The following CSMD1 variants were observed in gnomAD, a reference collection of about 807,000 sequenced individuals.
The protein encoded by CSMD1 is CUB and Sushi multiple domains 1.
A neutral mutation model predicts 417.5 loss-of-function variants in CSMD1; 213 were observed. The ratio of observed to expected loss-of-function variants is 0.51; its 90% confidence interval spans 0.46 to 0.57. The LOEUF (loss-of-function observed/expected upper bound fraction) is 0.57. CSMD1 is among the 20% of genes least tolerant of loss of function. The pLI is 0.00. For synonymous variants in CSMD1, 2,862 were observed against 1,736.8 expected (o/e 1.65, Z -16.11); for missense variants, 6,923 against 4,529.7 (o/e 1.53, Z -15.17).
Position 4,559,750 on chromosome 8 carries a change from G to C in CSMD1, c.302+77592C>G, listed in dbSNP as rs774593621. Among the ~76,000 whole-genome samples, 3 of 152,246 alleles carry C rather than the reference G, an allele frequency of 2.0e-5. No homozygotes were observed. The South Asian group carries it at 6.2e-4, about 31-fold the overall frequency. ...CAGTCTTTCTGTTATTTCACAAATAGTGAGTCAGTTGTTATCAGTGCAGCC... is the reference window on the plus strand; with the variant it reads ...CAGTCTTTCTGTTATTTCACAAATACTGAGTCAGTTGTTATCAGTGCAGCC... On this transcript the variant is annotated intron_variant, in intron 2 of 69. Coordinates refer to ENST00000635120, the MANE Select transcript of CSMD1 (RefSeq NM_033225.6).
chr8:3,297,885 A>G (rs1804090062), intron 25 of CSMD1, among the ~76,000 whole-genome samples: 1 of 152,206 alleles, frequency 6.6e-6, no homozygotes, highest in South Asian at 2.1e-4. Context: ...ATTGGAATTA[A>G]AAACCTGTGT....
At chr8:3,458,742 T>G (rs1011809849) in intron 12 of CSMD1, among the ~76,000 whole-genome samples, 2 of 152,216 alleles carry the variant, frequency 1.3e-5, no homozygotes, top group African/African-American at 4.8e-5. Context: ...TGTAAATGGC[T>G]CTTAATATCT....
Position 4,180,533 on chromosome 8 carries a change from T to A in CSMD1, c.416-148434A>T, listed in dbSNP as rs527411838. Among the ~76,000 whole-genome samples the A allele has an allele frequency of 9.9e-5, 15 of 151,804 alleles. No homozygotes were observed. In the South Asian group the frequency reaches 1.0e-3, roughly 11 times the overall value. On this transcript the variant is annotated intron_variant, in intron 3 of 69. Coordinates refer to ENST00000635120, the MANE Select transcript of CSMD1 (RefSeq NM_033225.6). ...CATGGCACATGTATACATATGTAAC[T>A]AACCTGCACATTGTGCACATGTACC...
At chr8:3,413,704 C>G (rs1225817351) in intron 12 of CSMD1, among the ~76,000 whole-genome samples, 1 of 152,154 alleles carries the variant, frequency 6.6e-6, no homozygotes, top group Non-Finnish European at 1.5e-5. Flanking sequence ...AAAATTCACA[C>G]AAGTTTTGCA....
chr8:4,139,381 G>C (rs372879711), intron 3 of CSMD1, among the ~76,000 whole-genome samples: 3 of 152,182 alleles, frequency 2.0e-5, no homozygotes, highest in East Asian at 1.9e-4. Flanking sequence ...AGTGGTGTTT[G>C]AGCTGCTTTT....
At chr8:4,896,603 T>A (rs1324376855) in intron 1 of CSMD1, among the ~76,000 whole-genome samples, 1 of 152,110 alleles carries the variant, frequency 6.6e-6, no homozygotes, top group Non-Finnish European at 1.5e-5. Context: ...TCATAAATTA[T>A]CCATTCTGAG....
At chr8:3,141,831 T>C (rs1354746734) in intron 41 of CSMD1, among the ~76,000 whole-genome samples, 1 of 148,058 alleles carries the variant, frequency 6.8e-6, no homozygotes, top group Non-Finnish European at 1.5e-5. Context: ...GGAGTCTGGC[T>C]CTGTCGCCCA....
At chr8:3,192,946 A>G (rs1796506040) in intron 33 of CSMD1, among the ~76,000 whole-genome samples, 1 of 152,168 alleles carries the variant, frequency 6.6e-6, no homozygotes, top group South Asian at 2.1e-4. Context: ...AGAAAAAAAA[A>G]AAGATATCCC....
At chr8:3,354,277 G>A (rs1452599617) in intron 21 of CSMD1, among the ~76,000 whole-genome samples, 1 of 152,110 alleles carries the variant, frequency 6.6e-6, no homozygotes, top group Non-Finnish European at 1.5e-5. Flanking sequence ...ATTTAACAGA[G>A]ATGTTTCTTA....
intron 3 of CSMD1, among the ~76,000 whole-genome samples, chr8:4,083,623 A>G (rs1290207896): frequency 6.6e-6 from 1 of 152,162 alleles, no homozygotes; most frequent in Non-Finnish European, 1.5e-5. Context: ...GGTGCTGGGA[A>G]AACTGGCTAG....
At chr8:4,274,155 G>T (rs745499531) in intron 3 of CSMD1, among the ~76,000 whole-genome samples, 43 of 152,026 alleles carry the variant, frequency 2.8e-4, no homozygotes, top group Admixed American at 2.6e-4. Flanking sequence ...ACTCACTAAT[G>T]TATTTTTTTG....
chr8:3,414,602 G>C (rs1813013751), intron 12 of CSMD1, among the ~76,000 whole-genome samples: 1 of 152,088 alleles, frequency 6.6e-6, no homozygotes, highest in Non-Finnish European at 1.5e-5. Flanking sequence ...ACCGTACCTT[G>C]CTTGAAATTT....
intron 7 of CSMD1, among the ~76,000 whole-genome samples, chr8:3,662,734 C>A (rs1234383813): frequency 3.3e-5 from 5 of 151,938 alleles, no homozygotes; most frequent in Admixed American, 3.3e-4. Flanking sequence ...CAAACTGACA[C>A]AGGAACAGAA....
rs890720563 is a variant in CSMD1, at chr8:3,492,982, C to A, written c.1448+641G>T. On this transcript the variant is annotated intron_variant, in intron 11 of 69. Transcript: ENST00000635120. ...CTGATAATATAACATCACAGGGAAG[C>A]AGAGGAGAGAGGTTAAAAAAGAGGT... is the stretch of plus-strand genomic sequence containing the variant. Among the ~76,000 whole-genome samples, 4 of 152,184 alleles carry A rather than the reference C, an allele frequency of 2.6e-5. No homozygotes were observed. The South Asian group carries it at 6.2e-4, about 24-fold the overall frequency.
At chr8:3,754,603 C>T (rs1019574109) in intron 5 of CSMD1, among the ~76,000 whole-genome samples, 17 of 152,114 alleles carry the variant, frequency 1.1e-4, no homozygotes, top group African/African-American at 2.9e-4. Context: ...TACAGGCATG[C>T]GCCATCATGC....
chr8:4,338,099 C>A (rs1006010318), intron 3 of CSMD1, among the ~76,000 whole-genome samples: 1 of 152,062 alleles, frequency 6.6e-6, no homozygotes, highest in South Asian at 2.1e-4. Context: ...TTATGTGTAA[C>A]TTTGGTGTAC....
intron 5 of CSMD1, among the ~76,000 whole-genome samples, chr8:3,994,263 C>A (rs941878202): frequency 6.6e-6 from 1 of 151,948 alleles, no homozygotes; most frequent in Non-Finnish European, 1.5e-5. Context: ...TATATAAGTT[C>A]ATATTTTAAA....
At chr8:3,608,579 T>A (rs1211782299) in intron 8 of CSMD1, among the ~76,000 whole-genome samples, 1 of 151,672 alleles carries the variant, frequency 6.6e-6, no homozygotes, top group Admixed American at 6.6e-5. Context: ...CTGGCCAACA[T>A]AGTGAAACCC....
At chr8:4,084,991 C>T (rs545009749) in intron 3 of CSMD1, among the ~76,000 whole-genome samples, 5 of 151,506 alleles carry the variant, frequency 3.3e-5, no homozygotes, top group East Asian at 1.9e-4. Flanking sequence ...ACAGCAGGCG[C>T]GTGACAGGGA....
Sources: gnomAD v4.1 joint callset for allele counts (sites outside exome capture counted in the v4.1 genomes callset) on GRCh38, gnomAD v4.1.1 for gene constraint, MANE v1.5 for transcripts, NCBI Gene and HGNC (gene_info 2026-07-23, HGNC 2026-07-21) for gene names.